PLCL1: variants seen among roughly 807,000 people sequenced by gnomAD.
The protein encoded by PLCL1 is inactive phospholipase C-like protein 1.
Under a neutral mutation model 84.4 loss-of-function variants are expected in PLCL1, and 41 were observed. The ratio of observed to expected loss-of-function variants is 0.49; its 90% CI spans 0.38 to 0.63. The LOEUF is 0.63. Among genes scored for constraint, PLCL1 ranks in the 30% least tolerant of loss-of-function variants. The pLI is 0.00. For synonymous variants in PLCL1, 490 were observed against 488.3 expected (o/e 1.00, Z -0.05); for missense variants, 1,206 against 1,367.8 (o/e 0.88, Z 1.87).
Position 197,818,106 on chromosome 2 carries a change from G to A in PLCL1, c.240+12767G>A, listed in dbSNP as rs114861956. 4.7e-3 allele frequency among the ~76,000 whole-genome samples: 720 copies of A among 152,140 alleles called. 2 individuals carry two copies. Among genetic ancestry groups the A allele is most frequent in the Non-Finnish European group, 7.1e-3 (483 of 67,976 alleles). On this transcript the variant is annotated intron_variant, in intron 1 of 5. Coordinates refer to ENST00000428675, the MANE Select transcript of PLCL1 (RefSeq NM_006226.4). ...GCTATTTTGCTAACCCCAGCTCTAG[G>A]AAAGTCCAGGGAGATTCTTCATGGT... is the stretch of plus-strand genomic sequence containing the variant.
At chr2:198,019,173 A>G (rs2105837780) in intron 1 of PLCL1, among the ~76,000 whole-genome samples, 1 of 152,320 alleles carries the variant, frequency 6.6e-6, no homozygotes, top group East Asian at 1.9e-4. Flanking sequence ...AATAAACAAA[A>G]AGCAGTAGCA....
intron 1 of PLCL1, among the ~76,000 whole-genome samples, chr2:197,893,619 C>A (rs762953059): frequency 2.0e-4 from 31 of 152,108 alleles, no homozygotes; most frequent in Non-Finnish European, 3.1e-4. Context: ...TGGCTAAGGT[C>A]AAAAGCAAGT....
At chr2:197,969,434 A>G (rs1195581867) in intron 1 of PLCL1, among the ~76,000 whole-genome samples, 1 of 152,100 alleles carries the variant, frequency 6.6e-6, no homozygotes, top group Admixed American at 6.5e-5. Context: ...GTTCCAGGCA[A>G]GTGCTATTTA....
At chr2:197,926,423 T>C (rs1401593118) in intron 1 of PLCL1, among the ~76,000 whole-genome samples, 1 of 152,224 alleles carries the variant, frequency 6.6e-6, no homozygotes, top group African/African-American at 2.4e-5. Context: ...ATGTTATCCT[T>C]TATCTTTATG....
At chr2:197,845,652 C>T (rs1463515999) in intron 1 of PLCL1, among the ~76,000 whole-genome samples, 1 of 152,044 alleles carries the variant, frequency 6.6e-6, no homozygotes, top group Non-Finnish European at 1.5e-5. Context: ...TTTACCACTC[C>T]ATCCTAAAAC....
intron 5 of PLCL1, among the ~76,000 whole-genome samples, chr2:198,137,975 C>T (rs867712037): frequency 6.6e-6 from 1 of 152,026 alleles, no homozygotes; most frequent in African/African-American, 2.4e-5. Context: ...TGGGAGGATT[C>T]TCCTGGCATT....
At chr2:197,937,074 C>T (rs893402183) in intron 1 of PLCL1, among the ~76,000 whole-genome samples, 1 of 152,108 alleles carries the variant, frequency 6.6e-6, no homozygotes, top group African/African-American at 2.4e-5. Flanking sequence ...GCACACTTGC[C>T]AAAGATCAAT....
chr2:198,067,031 A>G (rs901097941), intron 1 of PLCL1, among the ~76,000 whole-genome samples: 2 of 152,078 alleles, frequency 1.3e-5, no homozygotes, highest in African/African-American at 4.8e-5. Context: ...TCAGTGCTTG[A>G]CACTAAATTG....
intron 1 of PLCL1, among the ~76,000 whole-genome samples, chr2:198,010,081 G>A (rs1690832225): frequency 6.6e-6 from 1 of 151,840 alleles, no homozygotes; most frequent in African/African-American, 2.4e-5. Context: ...ATTTTTGTGT[G>A]TGTGACTTAA....
chr2:198,092,381 G>A (rs1186267691), intron 3 of PLCL1, among the ~76,000 whole-genome samples: 2 of 152,040 alleles, frequency 1.3e-5, no homozygotes, highest in African/African-American at 4.8e-5. Flanking sequence ...ATATTTATGG[G>A]GTATGGTGTG....
At chr2:198,097,660 G>A (rs1693233748) in intron 3 of PLCL1, among the ~76,000 whole-genome samples, 1 of 152,174 alleles carries the variant, frequency 6.6e-6, no homozygotes, top group East Asian at 1.9e-4. Flanking sequence ...TATGCCAAAA[G>A]GGCCCCCTGA....
rs752855424 is a variant in PLCL1, at chr2:197,900,924, G to GT, written c.240+95586dup. Among the ~76,000 whole-genome samples, 17 of 151,706 alleles carry GT rather than the reference G, an allele frequency of 1.1e-4. No individual in the cohort carries two copies. In the East Asian group the frequency reaches 2.9e-3, roughly 26 times the overall value. On this transcript the variant is annotated intron_variant, in intron 1 of 5. Transcript: ENST00000428675. ...CTACAGTGATTTTTCTTCAAAGATT[G>GT]TAAGTGTTTTGTTTAAGCCTTTGTT...
intron 1 of PLCL1, among the ~76,000 whole-genome samples, chr2:197,869,375 C>A (rs928431675): frequency 3.4e-5 from 5 of 146,334 alleles, no homozygotes; most frequent in Admixed American, 1.4e-4. Context: ...GTATCTTTTT[C>A]TTTTTTTTTT....
chr2:198,130,759 G>A (rs543778702), intron 5 of PLCL1, among the ~76,000 whole-genome samples: 3 of 152,106 alleles, frequency 2.0e-5, no homozygotes, highest in Non-Finnish European at 2.9e-5. Flanking sequence ...AGCAAGCACC[G>A]TTGGGTCAAC....
chr2:197,869,668 T>A (rs916667777), intron 1 of PLCL1, among the ~76,000 whole-genome samples: 4 of 152,320 alleles, frequency 2.6e-5, no homozygotes, highest in African/African-American at 9.6e-5. Context: ...ATTTCTTTGC[T>A]GAGCCATCAC....
chr2:197,847,697 C>G (rs934070723), intron 1 of PLCL1, among the ~76,000 whole-genome samples: 5 of 152,142 alleles, frequency 3.3e-5, no homozygotes, highest in African/African-American at 9.7e-5. Context: ...TGCTTTGGCT[C>G]TAATTATGCA....
At chr2:197,884,898 A>T (rs1687889993) in intron 1 of PLCL1, among the ~76,000 whole-genome samples, 1 of 151,998 alleles carries the variant, frequency 6.6e-6, no homozygotes, top group Non-Finnish European at 1.5e-5. Flanking sequence ...AAAAAAATTG[A>T]GACTGTATTG....
intron 1 of PLCL1, among the ~76,000 whole-genome samples, chr2:198,032,408 T>A (rs900294464): frequency 2.0e-5 from 3 of 152,206 alleles, no homozygotes; most frequent in Non-Finnish European, 4.4e-5. Flanking sequence ...GACAAGAGAT[T>A]GCCTCAGAAA....
At chr2:198,097,413 T>A (rs1278016620) in intron 3 of PLCL1, among the ~76,000 whole-genome samples, 1 of 152,208 alleles carries the variant, frequency 6.6e-6, no homozygotes, top group Admixed American at 6.5e-5. Context: ...TACTCAAAGC[T>A]GGCTTTGCAT....
Sources: allele counts gnomAD v4.1 joint callset (sites outside exome capture counted in the v4.1 genomes callset), GRCh38; gene constraint gnomAD v4.1.1; transcripts MANE v1.5; gene names NCBI Gene and HGNC (gene_info 2026-07-23, HGNC 2026-07-21).